Variants in EIF2B3 observed in about 807,000 individuals in gnomAD.
The protein encoded by EIF2B3 is translation initiation factor eIF2B subunit gamma.
In EIF2B3, 20 loss-of-function variants were observed where a neutral mutation model predicts 54.1. That is an observed-to-expected ratio of 0.37 (90% CI 0.26 to 0.54). EIF2B3 has a LOEUF of 0.54. Ranked by LOEUF, EIF2B3 falls within the 20% of genes least tolerant of loss-of-function variation. The pLI is 0.86. For synonymous variants in EIF2B3, 153 were observed against 188.1 expected, an observed-to-expected ratio of 0.81 and a Z score of 1.52; for missense variants, 448 against 547.8, an observed-to-expected ratio of 0.82 and a Z score of 1.82.
Position 44,865,085 on chromosome 1 carries a change from G to A in EIF2B3, c.1203-7278C>T, listed in dbSNP as rs148862449. ...AATACAAAAATTAGCTGGGTGTGGT[G>A]GCGCACGCCTATAATCCCAGCTACT... On this transcript the variant is annotated intron_variant, in intron 10 of 11. Coordinates refer to ENST00000360403, the MANE Select transcript of EIF2B3 (RefSeq NM_020365.5). Among the ~76,000 whole-genome samples, 289 of 152,278 alleles carry A rather than the reference G, an allele frequency of 1.9e-3. 1 individual carries two copies. The highest frequency in any genetic ancestry group is 6.5e-3 in the African/African-American group (269 of 41,578).
intron 4 of EIF2B3, among the ~76,000 whole-genome samples, chr1:44,941,028 A>G (rs1291880407): frequency 6.6e-6 from 1 of 151,452 alleles, no homozygotes; most frequent in Non-Finnish European, 1.5e-5. Context: ...CTGGGATTAC[A>G]GGCACACGCC....
At chr1:44,936,170 T>C (rs1643944828) in intron 4 of EIF2B3, among the ~76,000 whole-genome samples, 1 of 152,198 alleles carries the variant, frequency 6.6e-6, no homozygotes, top group Non-Finnish European at 1.5e-5. Context: ...GCTGGGTTTC[T>C]GGGTCTTGCT....
At chr1:44,879,536 A>G (rs1275814273) in intron 8 of EIF2B3, among the ~76,000 whole-genome samples, 2 of 152,046 alleles carry the variant, frequency 1.3e-5, no homozygotes, top group Admixed American at 1.3e-4. Flanking sequence ...TGCTGAACAG[A>G]ACAGGAGGAA....
intron 10 of EIF2B3, among the ~76,000 whole-genome samples, chr1:44,858,555 C>T (rs1654509750): frequency 6.6e-6 from 1 of 151,994 alleles, no homozygotes; most frequent in African/African-American, 2.4e-5. Context: ...CTACAGCCTC[C>T]ACCTCCTGGG....
chr1:44,855,692 G>T (rs1161649888), intron 11 of EIF2B3, among the ~76,000 whole-genome samples: 15 of 152,092 alleles, frequency 9.9e-5, no homozygotes, highest in Admixed American at 9.8e-4. Flanking sequence ...AGGTAGCTGG[G>T]ATTACAGGCA....
At chr1:44,858,524 T>C (rs767251415) in intron 10 of EIF2B3, among the ~76,000 whole-genome samples, 3 of 151,902 alleles carry the variant, frequency 2.0e-5, no homozygotes, top group Non-Finnish European at 4.4e-5. Flanking sequence ...GGCTGGAGTG[T>C]AGTGGCACGA....
intron 4 of EIF2B3, among the ~76,000 whole-genome samples, chr1:44,935,552 T>C (rs1191689151): frequency 6.6e-6 from 1 of 152,180 alleles, no homozygotes; most frequent in African/African-American, 2.4e-5. Context: ...CAGGGTGGAA[T>C]ACAGTGGCGT....
intron 11 of EIF2B3, among the ~76,000 whole-genome samples, chr1:44,855,753 C>T (rs1382819704): frequency 6.6e-6 from 1 of 152,098 alleles, no homozygotes; most frequent in Non-Finnish European, 1.5e-5. Flanking sequence ...GACGGGGTTT[C>T]ACCATGTTGG....
At chr1:44,924,821 T>A (rs750650079) in intron 5 of EIF2B3, 7 of 152,202 alleles carry the variant, frequency 4.6e-5, no homozygotes, top group Non-Finnish European at 8.8e-5. Context: ...TTCTTCTGTT[T>A]CTTGAGTTAT....
chr1:44,916,436 C>T (rs1252969616), intron 5 of EIF2B3, among the ~76,000 whole-genome samples: 1 of 150,836 alleles, frequency 6.6e-6, no homozygotes, highest in African/African-American at 2.4e-5. Flanking sequence ...CCATATTGCC[C>T]AGGCTGATCT....
chr1:44,917,939 A>C (rs1436761221), intron 5 of EIF2B3, among the ~76,000 whole-genome samples: 2 of 150,316 alleles, frequency 1.3e-5, no homozygotes, highest in South Asian at 2.1e-4. Context: ...ACGCCCGGCT[A>C]ATTTTTTGTA....
chr1:44,866,635 A>G (rs1395823619), intron 10 of EIF2B3, among the ~76,000 whole-genome samples: 5 of 151,556 alleles, frequency 3.3e-5, no homozygotes, highest in Non-Finnish European at 7.4e-5. Flanking sequence ...GCTCACTGCA[A>G]CCTCTGCCTC....
intron 3 of EIF2B3, among the ~76,000 whole-genome samples, chr1:44,957,819 C>T (rs1280181084): frequency 6.6e-6 from 1 of 152,132 alleles, no homozygotes; most frequent in Non-Finnish European, 1.5e-5. Context: ...CCATTTCTCA[C>T]CAATTAGACT....
Position 44,891,151 on chromosome 1 carries a change from G to A in EIF2B3, c.656+6204C>T, listed in dbSNP as rs766464817. 1.2e-4 allele frequency among the ~76,000 whole-genome samples: 18 copies of A among 152,168 alleles called. 1 individual carries two copies. The highest frequency in any genetic ancestry group is 1.0e-4 in the Non-Finnish European group (7 of 68,036). On this transcript the variant is annotated intron_variant, in intron 6 of 11. Transcript: ENST00000360403. ...TCATTCTGTCACCCAGGCTGCTGGA[G>A]TGCAGTGGTGTTATCATGGCTCACT...
chr1:44,910,309 C>T (rs1171752590), intron 5 of EIF2B3, among the ~76,000 whole-genome samples: 1 of 152,292 alleles, frequency 6.6e-6, no homozygotes, highest in South Asian at 2.1e-4. Flanking sequence ...CTCAAGGTCA[C>T]ACAGCTGGTT....
At chr1:44,905,005 A>T (rs1643387131) in intron 5 of EIF2B3, among the ~76,000 whole-genome samples, 1 of 152,230 alleles carries the variant, frequency 6.6e-6, no homozygotes, top group South Asian at 2.1e-4. Context: ...CTAGCTACCT[A>T]TAATTTTAAC....
At chr1:44,865,939 T>C (rs1427182245) in intron 10 of EIF2B3, among the ~76,000 whole-genome samples, 4 of 152,118 alleles carry the variant, frequency 2.6e-5, no homozygotes, top group Non-Finnish European at 5.9e-5. Flanking sequence ...TGTACAATAT[T>C]TTTTTCTAGA....
At position 44,882,780 on chromosome 1, in the gene EIF2B3, G is replaced by C. The variant is rs1467761114; in HGVS notation, c.657-1041C>G. On this transcript the variant is annotated intron_variant, in intron 6 of 11. Coordinates refer to ENST00000360403, the MANE Select transcript of EIF2B3 (RefSeq NM_020365.5). ...CAGGCACATGCCACAATGCCTGGCTGTTTTTGTATTTTTTGGTAGGGATGG... is the reference window on the plus strand; with the variant it reads ...CAGGCACATGCCACAATGCCTGGCTCTTTTTGTATTTTTTGGTAGGGATGG... 2.0e-5 allele frequency among the ~76,000 whole-genome samples: 3 copies of C among 151,156 alleles called. No individual in the cohort carries two copies. The East Asian group carries it at 5.8e-4, about 29-fold the overall frequency.
intron 8 of EIF2B3, among the ~76,000 whole-genome samples, 193 bp downstream of exon 8, chr1:44,879,625 G>C (rs912096618): frequency 4.6e-5 from 7 of 152,128 alleles, no homozygotes; most frequent in African/African-American, 1.7e-4. Flanking sequence ...CCTGACTATG[G>C]ACCAGGCCCC....
Sources: allele counts gnomAD v4.1 joint callset (sites outside exome capture counted in the v4.1 genomes callset), GRCh38; gene constraint gnomAD v4.1.1; transcripts MANE v1.5; gene names NCBI Gene and HGNC (gene_info 2026-07-23, HGNC 2026-07-21).